Variants in ORC4 observed in about 807,000 individuals in gnomAD.
The protein encoded by ORC4 is origin recognition complex, subunit 4 homolog.
ORC4 carries 55 observed loss-of-function variants against 63.9 expected under a neutral mutation model. The observed-to-expected ratio is 0.86, with a 90% CI of 0.69 to 1.08. The LOEUF (loss-of-function observed/expected upper bound fraction) is 1.08, where lower values mean the gene tolerates loss of function less well. ORC4 is among the 50% of genes least tolerant of loss of function. The pLI is 0.00. For synonymous variants in ORC4, 150 were observed against 168.5 expected (o/e 0.89, Z 0.85); for missense variants, 511 against 504.4 (o/e 1.01, Z -0.13).
chr2:147,944,553 G>A (rs527786381), intron 9 of ORC4, among the ~76,000 whole-genome samples: 2 of 152,092 alleles, frequency 1.3e-5, no homozygotes, highest in Admixed American at 6.6e-5. Context: ...CAGTAATTAG[G>A]GTTGAATGGA....
chr2:147,933,111 T>A lies in ORC4; in HGVS notation c.*2399A>T, dbSNP rs1239118898. On this transcript the variant is annotated 3_prime_UTR_variant, in exon 14 of 14. Transcript: ENST00000392857. ...ATGTAAAAACACACTGAAATATTCC[T>A]CCTTTCACCTGCTTTTCAGTTTGAG... 6.6e-6 allele frequency: 1 copy of A among 152,014 alleles called. No homozygotes were observed. The highest frequency in any genetic ancestry group is 1.5e-5 in the Non-Finnish European group (1 of 67,948). The allele number at this position is 152,014 out of a possible 1,614,324, so 9.4% of individuals were successfully genotyped here. A position where few individuals can be genotyped will look rare whatever the true frequency, so the allele number is the denominator to read the frequency against.
intron 4 of ORC4, among the ~76,000 whole-genome samples, chr2:147,959,743 G>C (rs1303166253): frequency 6.6e-6 from 1 of 152,080 alleles, no homozygotes; most frequent in East Asian, 1.9e-4. Context: ...ATACCTGCAT[G>C]GTTTTTAAAG....
At chr2:147,992,751 T>G (rs1255834502) in intron 1 of ORC4, among the ~76,000 whole-genome samples, 1 of 152,076 alleles carries the variant, frequency 6.6e-6, no homozygotes, top group Non-Finnish European at 1.5e-5. Context: ...CCAAAGCAGC[T>G]CTCTCTGACC....
rs1461044595 is a variant in ORC4 at position 147,935,488 on chromosome 2, A to G, written c.*22T>C. 6.3e-7 allele frequency: 1 copy of G among 1,589,710 alleles called. No homozygotes were observed. The highest frequency in any genetic ancestry group is 8.6e-7 in the Non-Finnish European group (1 of 1,158,124). On this transcript the variant is annotated 3_prime_UTR_variant, in exon 14 of 14. Transcript: ENST00000392857. Reference sequence around the variant, plus strand: ...CTACAGAAGTATGAATGAAATGCCAAAGTTGAAGTCACTGGTTATATTCAT... The same window carrying G: ...CTACAGAAGTATGAATGAAATGCCAGAGTTGAAGTCACTGGTTATATTCAT...
At chr2:148,013,483 TAGAA>T (rs1438433882) in intron 1 of ORC4, among the ~76,000 whole-genome samples, 2 of 152,038 alleles carry the variant, frequency 1.3e-5, no homozygotes, top group Non-Finnish European at 2.9e-5. Flanking sequence ...TATAGTTAGA[TAGAA>T]GGAATAAAAT....
intron 1 of ORC4, among the ~76,000 whole-genome samples, chr2:148,005,407 T>G: frequency 6.6e-6 from 1 of 150,868 alleles, no homozygotes. Context: ...TGCTGGGGGA[T>G]GGGGGGGCTA....
chr2:147,934,394 A>G lies in ORC4; in HGVS notation c.*1116T>C, dbSNP rs1205610236. The G allele has an allele frequency of 6.6e-6, 1 of 152,162 alleles. No homozygotes were observed. The highest frequency in any genetic ancestry group is 6.6e-5 in the Admixed American group (1 of 15,250). 9.4% of individuals were successfully genotyped at this position (152,162 alleles called of 1,614,324 possible). On this transcript the variant is annotated 3_prime_UTR_variant, in exon 14 of 14. Coordinates refer to ENST00000392857, the MANE Select transcript of ORC4 (RefSeq NM_181741.4). Reference sequence around the variant, plus strand: ...TACTTAAAAGACAATGCTTTGACGGACATTTCCACATTCCTCATAGGGATT... The same window carrying G: ...TACTTAAAAGACAATGCTTTGACGGGCATTTCCACATTCCTCATAGGGATT...
intron 5 of ORC4, 128 bp from the exon 6 acceptor site, chr2:147,958,511 CT>C (rs1387629744): frequency 4.5e-5 from 31 of 690,422 alleles, no homozygotes; most frequent in Non-Finnish European, 7.4e-5. Flanking sequence ...CTTCTTAAAA[CT>C]TAGCAATAAA....
chr2:147,978,687 T>C (rs1330658066), intron 1 of ORC4, among the ~76,000 whole-genome samples: 1 of 152,180 alleles, frequency 6.6e-6, no homozygotes, highest in African/African-American at 2.4e-5. Context: ...GCCAATATCC[T>C]TGATGAATAT....
At chr2:147,972,706 T>C (rs200818283) in intron 4 of ORC4, 33 bp downstream of exon 4, 10 of 1,274,688 alleles carry the variant, frequency 7.8e-6, no homozygotes, top group East Asian at 7.0e-5. Context: ...AATCATCACA[T>C]GCCAACAAAC....
chr2:148,003,591 A>C (rs1376774985), intron 1 of ORC4, among the ~76,000 whole-genome samples: 1 of 152,102 alleles, frequency 6.6e-6, no homozygotes, highest in Non-Finnish European at 1.5e-5. Flanking sequence ...CAATAAACTA[A>C]GAATCGATAG....
At position 148,020,737 on chromosome 2, in the gene ORC4, T is replaced by C. The variant is rs1230741340; in HGVS notation, c.-122A>G. On this transcript the variant is annotated 5_prime_UTR_variant, in exon 1 of 14. Transcript: ENST00000392857. ...GCCGCTGCGGACCGTACACAACCAC[T>C]CCCGGCATGCCCCGCGCACGCACTA... 1.3e-5 allele frequency: 2 copies of C among 152,228 alleles called. No homozygotes were observed. The highest frequency in any genetic ancestry group is 2.4e-5 in the African/African-American group (1 of 41,262). 9.4% of individuals were successfully genotyped at this position (152,228 alleles called of 1,614,324 possible).
At chr2:147,978,648 G>A (rs1469710397) in intron 1 of ORC4, among the ~76,000 whole-genome samples, 1 of 152,086 alleles carries the variant, frequency 6.6e-6, no homozygotes, top group Non-Finnish European at 1.5e-5. Flanking sequence ...AATTTTCCCA[G>A]GCCTCTTGGT....
Position 147,950,253 on chromosome 2 carries a change from C to T in ORC4, c.589-2029G>A, listed in dbSNP as rs558318374. ...ATCTATACAAGCAACAATTCAGACCCTAAATTTGGGAATGAAAAGAGATGG... is the reference window on the plus strand; with the variant it reads ...ATCTATACAAGCAACAATTCAGACCTTAAATTTGGGAATGAAAAGAGATGG... On this transcript the variant is annotated intron_variant, in intron 8 of 13. Transcript: ENST00000392857. Among the ~76,000 whole-genome samples, 9 of 152,148 alleles carry T rather than the reference C, an allele frequency of 5.9e-5. No homozygotes were observed. The South Asian group carries it at 1.9e-3, about 32-fold the overall frequency.
chr2:147,957,157 ATAAT>A (rs1272753123), intron 6 of ORC4, among the ~76,000 whole-genome samples: 4 of 147,610 alleles, frequency 2.7e-5, no homozygotes, highest in African/African-American at 7.4e-5. Context: ...ATAATAAACT[ATAAT>A]TATATATAAT....
chr2:148,001,043 T>C (rs932783911), intron 1 of ORC4, among the ~76,000 whole-genome samples: 1 of 152,096 alleles, frequency 6.6e-6, no homozygotes, highest in African/African-American at 2.4e-5. Context: ...AGTATTTCCC[T>C]CTATTTGGGG....
chr2:147,938,355 T>A lies in ORC4; in HGVS notation c.997A>T (p.Lys333Ter). The A allele has an allele frequency of 1.2e-6, 2 of 1,607,242 alleles. No homozygotes were observed. The highest frequency in any genetic ancestry group is 1.7e-6 in the Non-Finnish European group (2 of 1,175,396). Residue 333 changes from lysine (K) to a stop codon, truncating the protein, a stop_gained, in exon 12 of 14, where the codon AAA becomes TAA. Coordinates refer to ENST00000392857, the MANE Select transcript of ORC4 (RefSeq NM_181741.4). LOFTEE classifies it high-confidence loss of function. ...VLEICLIIAMKHLNDIYEEEP... is the reference protein window; with the variant it reads ...VLEICLIIAM Reference sequence around the variant, plus strand: ...TCCTCATAGATGTCATTTAAATGTTTCATTGCTATTATAAGACAGATTTCC... The same window carrying A: ...TCCTCATAGATGTCATTTAAATGTTACATTGCTATTATAAGACAGATTTCC...
At chr2:148,002,208 A>G (rs898511540) in intron 1 of ORC4, among the ~76,000 whole-genome samples, 3 of 152,136 alleles carry the variant, frequency 2.0e-5, no homozygotes, top group African/African-American at 7.2e-5. Context: ...GATCAACAAG[A>G]CAGAAAATTA....
Position 147,935,630 on chromosome 2 carries a change from T to C in ORC4, c.1191A>G (p.Arg397=). 1 of 1,613,692 alleles carries C rather than the reference T, an allele frequency of 6.2e-7. No homozygotes were observed. Among genetic ancestry groups the C allele is most frequent in the South Asian group, 1.1e-5 (1 of 91,076 alleles). ...AAAGCAGTTTCATCAGCTGGTACTC[T>C]CTCTGTGAATTTCCTGAAGTTCTTT... ...PMERTSGNSQ[R]EYQLMKLLLD... Residue 397 remains arginine (R), a synonymous_variant, in exon 14 of 14, where the codon AGA becomes AGG. Coordinates refer to ENST00000392857, the MANE Select transcript of ORC4 (RefSeq NM_181741.4).
Sources: allele counts gnomAD v4.1 joint callset (sites outside exome capture counted in the v4.1 genomes callset), GRCh38; gene constraint gnomAD v4.1.1; transcripts MANE v1.5; gene names NCBI Gene and HGNC (gene_info 2026-07-23, HGNC 2026-07-21).